The following NDUFA12 variants were observed in gnomAD, a reference collection of about 807,000 sequenced individuals.
NDUFA12 encodes NADH:ubiquinone oxidoreductase subunit A12, also known as NADH dehydrogenase [ubiquinone] 1 alpha subcomplex subunit 12.
In NDUFA12, 17 loss-of-function variants were observed where a neutral mutation model predicts 20.3. That is an observed-to-expected ratio of 0.84 (90% CI 0.57 to 1.26). NDUFA12 has a LOEUF of 1.26. NDUFA12 is among the 50% of genes most tolerant of loss of function. NDUFA12 has a pLI of 0.00. For synonymous variants in NDUFA12, 72 were observed against 63.6 expected (o/e 1.13, Z -0.63); for missense variants, 191 against 183.7 (o/e 1.04, Z -0.23).
chr12:95,003,190 T>C (rs993383776), intron 1 of NDUFA12, among the ~76,000 whole-genome samples: 3 of 152,198 alleles, frequency 2.0e-5, no homozygotes, highest in African/African-American at 4.8e-5. Context: ...TGCGAAACTA[T>C]GCTGCTCGTG....
At chr12:95,000,326 GA>G (rs1053001961) in intron 2 of NDUFA12, among the ~76,000 whole-genome samples, 1 of 152,040 alleles carries the variant, frequency 6.6e-6, no homozygotes, top group African/African-American at 2.4e-5. Flanking sequence ...GACTCAAGGG[GA>G]TAAAAGACTA....
intron 3 of NDUFA12, among the ~76,000 whole-genome samples, chr12:94,981,853 T>C (rs1250957700): frequency 6.6e-6 from 1 of 152,200 alleles, no homozygotes; most frequent in African/African-American, 2.4e-5. Flanking sequence ...CCAAGAAGTT[T>C]GCACCACCAT....
At chr12:94,984,051 G>A (rs1381980191) in intron 3 of NDUFA12, among the ~76,000 whole-genome samples, 6 of 152,060 alleles carry the variant, frequency 3.9e-5, no homozygotes, top group African/African-American at 1.4e-4. Context: ...TCCAGTGGGG[G>A]AGGGGGGATG....
chr12:94,988,573 G>A (rs953154104), intron 3 of NDUFA12, among the ~76,000 whole-genome samples: 8 of 152,172 alleles, frequency 5.3e-5, no homozygotes, highest in African/African-American at 1.9e-4. Context: ...TTGAAGAGAT[G>A]AATAACTCCT....
chr12:94,996,650 T>C (rs1180940708), intron 2 of NDUFA12, among the ~76,000 whole-genome samples: 2 of 151,282 alleles, frequency 1.3e-5, no homozygotes, highest in Admixed American at 1.3e-4. Context: ...AAACCCCATC[T>C]CTACTAAAAA....
intron 2 of NDUFA12, among the ~76,000 whole-genome samples, chr12:95,002,403 C>A (rs1875074327): frequency 7.9e-6 from 1 of 126,482 alleles, no homozygotes; most frequent in African/African-American, 3.0e-5. Context: ...GATCGCGCTA[C>A]TGCACTCCAG....
At chr12:94,973,111 GA>G (rs1400964765) in intron 3 of NDUFA12, among the ~76,000 whole-genome samples, 1 of 152,130 alleles carries the variant, frequency 6.6e-6, no homozygotes, top group Non-Finnish European at 1.5e-5. Context: ...AAGCTAATGA[GA>G]AAAAATTTTT....
intron 3 of NDUFA12, among the ~76,000 whole-genome samples, chr12:94,985,962 G>A (rs1874422480): frequency 6.6e-6 from 1 of 152,032 alleles, no homozygotes; most frequent in African/African-American, 2.4e-5. Context: ...GTGTGCACCT[G>A]TAATCCTAGC....
intron 3 of NDUFA12, among the ~76,000 whole-genome samples, chr12:94,976,038 AAG>A (rs139619626): frequency 6.6e-6 from 1 of 151,956 alleles, no homozygotes; most frequent in Non-Finnish European, 1.5e-5. Context: ...AAAAAAAGAG[AAG>A]AGAGAGAGAG....
intron 3 of NDUFA12, among the ~76,000 whole-genome samples, chr12:94,990,003 C>A (rs1874582899): frequency 6.6e-6 from 1 of 152,100 alleles, no homozygotes; most frequent in Non-Finnish European, 1.5e-5. Context: ...ACCAGGACAC[C>A]TCAGCTCCTA....
chr12:94,982,285 T>C (rs1351839797), intron 3 of NDUFA12, among the ~76,000 whole-genome samples: 1 of 151,084 alleles, frequency 6.6e-6, no homozygotes, highest in Non-Finnish European at 1.5e-5. Context: ...CTTTTTTTTT[T>C]TTTTTTTTGA....
intron 3 of NDUFA12, among the ~76,000 whole-genome samples, chr12:94,976,171 AC>A (rs1874059906): frequency 1.3e-5 from 2 of 152,224 alleles, no homozygotes; most frequent in Admixed American, 6.5e-5. Context: ...TAATCTATAC[AC>A]TTTACAAATA....
At chr12:94,972,608 A>G (rs918253259) in intron 3 of NDUFA12, 4 of 336,688 alleles carry the variant, frequency 1.2e-5, no homozygotes, top group Non-Finnish European at 2.5e-5. Flanking sequence ...TCATGTCTAT[A>G]ATCCCAGCAC....
intron 3 of NDUFA12, among the ~76,000 whole-genome samples, chr12:94,973,324 C>G (rs1021369682): frequency 3.3e-5 from 5 of 152,192 alleles, no homozygotes; most frequent in African/African-American, 1.2e-4. Flanking sequence ...CTTACATCCT[C>G]TAAAGGAAGC....
intron 3 of NDUFA12, among the ~76,000 whole-genome samples, chr12:94,987,462 T>C (rs942212273): frequency 1.3e-5 from 2 of 152,160 alleles, no homozygotes; most frequent in Non-Finnish European, 2.9e-5. Context: ...CTCCAAAATA[T>C]GCAGCTCTGG....
intron 3 of NDUFA12, among the ~76,000 whole-genome samples, chr12:94,977,618 T>C (rs1565813204): frequency 1.3e-5 from 2 of 152,124 alleles, no homozygotes; most frequent in African/African-American, 4.8e-5. Flanking sequence ...TAGAAAGCTA[T>C]AAAGGAGTAG....
chr12:94,975,177 A>G (rs1047433066), intron 3 of NDUFA12, among the ~76,000 whole-genome samples: 2 of 152,208 alleles, frequency 1.3e-5, no homozygotes, highest in Non-Finnish European at 2.9e-5. Flanking sequence ...TTAAAATTGA[A>G]AAGTGTATGT....
chr12:94,979,986 T>C (rs923914542), intron 3 of NDUFA12, among the ~76,000 whole-genome samples: 3 of 152,206 alleles, frequency 2.0e-5, no homozygotes, highest in African/African-American at 7.2e-5. Context: ...GTAGATTCAA[T>C]GAATTTCATA....
intron 3 of NDUFA12, among the ~76,000 whole-genome samples, chr12:94,984,363 C>G (rs901135711): frequency 3.2e-4 from 49 of 152,082 alleles, no homozygotes; most frequent in African/African-American, 1.1e-3. Flanking sequence ...TGGCTCATGC[C>G]TGTAATCCCA....
Sources: gnomAD v4.1 joint callset for allele counts (sites outside exome capture counted in the v4.1 genomes callset) on GRCh38, gnomAD v4.1.1 for gene constraint, MANE v1.5 for transcripts, NCBI Gene and HGNC (gene_info 2026-07-23, HGNC 2026-07-21) for gene names.